NPAS3: variants seen among roughly 807,000 people sequenced by gnomAD.
The protein encoded by NPAS3 is neuronal PAS domain protein 3.
In NPAS3, 14 loss-of-function variants were observed where a neutral mutation model predicts 73.1. That is an observed-to-expected ratio of 0.19 (90% CI 0.13 to 0.30). The LOEUF (loss-of-function observed/expected upper bound fraction) is 0.30, where lower values mean the gene tolerates loss of function less well. Among genes scored for constraint, NPAS3 ranks in the 10% least tolerant of loss-of-function variants. The pLI is 1.00. For synonymous variants in NPAS3, 620 were observed against 541.5 expected, an observed-to-expected ratio of 1.14 and a Z score of -2.01; for missense variants, 1,096 against 1,250.0, an observed-to-expected ratio of 0.88 and a Z score of 1.86.
chr14:33,414,089 C>T (rs140425176), intron 4 of NPAS3, among the ~76,000 whole-genome samples: 99 of 152,178 alleles, frequency 6.5e-4, no homozygotes, highest in African/African-American at 2.3e-3. Context: ...AGGTTATGTG[C>T]ATATTGCAAT....
chr14:33,719,175 G>A (rs117687697), intron 6 of NPAS3, among the ~76,000 whole-genome samples: 2,510 of 152,150 alleles, frequency 0.016, 32 homozygotes, highest in Non-Finnish European at 0.024. Context: ...TCCCAATTCC[G>A]TGGCATATGT....
At chr14:33,561,655 A>T (rs1433143521) in intron 5 of NPAS3, among the ~76,000 whole-genome samples, 1 of 152,208 alleles carries the variant, frequency 6.6e-6, no homozygotes, top group Non-Finnish European at 1.5e-5. Flanking sequence ...TCGGTGAGCC[A>T]CCATGTCGCG....
upstream of NPAS3, chr14:32,939,148 A>ACGGCCC (rs2035848362): frequency 7.2e-6 from 1 of 138,940 alleles, no homozygotes; most frequent in African/African-American, 2.8e-5. Flanking sequence ...CGCCACGGCC[A>ACGGCCC]CGGCCACGGC....
chr14:33,118,992 C>T (rs1026974216), intron 2 of NPAS3, among the ~76,000 whole-genome samples: 1 of 151,816 alleles, frequency 6.6e-6, no homozygotes, highest in African/African-American at 2.4e-5. Context: ...ACCATAAATG[C>T]TACATGGCAA....
chr14:33,772,783 G>C (rs1249977301), intron 7 of NPAS3, among the ~76,000 whole-genome samples: 1 of 152,082 alleles, frequency 6.6e-6, no homozygotes, highest in African/African-American at 2.4e-5. Context: ...CTTGCCTCTA[G>C]GAACATCTTC....
At chr14:33,163,934 T>C (rs2045019690) in intron 2 of NPAS3, among the ~76,000 whole-genome samples, 1 of 152,212 alleles carries the variant, frequency 6.6e-6, no homozygotes, top group Admixed American at 6.5e-5. Context: ...AAAATTACCA[T>C]TGTACTTTAA....
At position 33,800,613 on chromosome 14, in the gene NPAS3, GGGGCGGCGGCGC is replaced by G. The variant is rs1479482198; in HGVS notation, c.2310_2321del (p.Ala773_Gly776del). 4.5e-6 allele frequency: 6 copies of G among 1,339,352 alleles called. No individual in the cohort carries two copies. The highest frequency in any genetic ancestry group is 5.7e-6 in the Non-Finnish European group (6 of 1,053,010). 83.0% of individuals were successfully genotyped at this position (1,339,352 alleles called of 1,614,324 possible). A position where few individuals can be genotyped will look rare whatever the true frequency, so the allele number is the denominator to read the frequency against. The stretch of plus-strand genomic sequence containing the variant: ...GGGAACGGCGGCGGGGGCGGGGGCG[GGGGCGGCGGCGC>G]GGGGGGCGGCGGCCCCAGCGCGTCC... On this transcript the variant is annotated inframe_deletion, in exon 12 of 12. Transcript: ENST00000356141. This position sits in a 1 kb window ranked among gnomAD's most constrained non-coding sequence, Gnocchi z 6.5.
intron 5 of NPAS3, among the ~76,000 whole-genome samples, chr14:33,617,676 T>C (rs1216816914): frequency 6.6e-6 from 1 of 152,230 alleles, no homozygotes; most frequent in Non-Finnish European, 1.5e-5. Flanking sequence ...TCTGAATGAA[T>C]GGGCAAAAGC....
chr14:33,399,868 C>G (rs1002952921), intron 4 of NPAS3, among the ~76,000 whole-genome samples: 22 of 152,030 alleles, frequency 1.4e-4, no homozygotes, highest in Non-Finnish European at 2.8e-4. Flanking sequence ...CAATACCAGA[C>G]TCAACTGTTA....
Position 33,599,292 on chromosome 14 carries a change from G to T in NPAS3, c.558+39082G>T, listed in dbSNP as rs528773160. Among the ~76,000 whole-genome samples, 5 of 152,294 alleles carry T rather than the reference G, an allele frequency of 3.3e-5. No individual in the cohort carries two copies. The South Asian group carries it at 8.3e-4, about 25-fold the overall frequency. On this transcript the variant is annotated intron_variant, in intron 5 of 11. Coordinates refer to ENST00000356141, the Ensembl canonical transcript of NPAS3. ...TTATAATCAGACAAGAAGAACAGAT[G>T]TAAGAGTTGTAATTTAATCATTTTA...
In NPAS3 at chr14:33,465,994, A is replaced by T. The variant is rs2050503661; in HGVS notation, c.469-94127A>T. ...GTAGTTGAGCATCGAGCTTCTCTGG[A>T]AGAATGGATGAAATCAAAACACATA... is the stretch of plus-strand genomic sequence containing the variant. On this transcript the variant is annotated intron_variant, in intron 4 of 11. Transcript: ENST00000356141. 2.0e-5 allele frequency among the ~76,000 whole-genome samples: 3 copies of T among 152,174 alleles called. No individual in the cohort carries two copies. In the South Asian group the frequency reaches 6.2e-4, roughly 32 times the overall value.
intron 3 of NPAS3, among the ~76,000 whole-genome samples, chr14:33,274,802 C>T (rs1427216521): frequency 6.6e-6 from 1 of 152,174 alleles, no homozygotes; most frequent in African/African-American, 2.4e-5. Flanking sequence ...AAGCTTCTTC[C>T]TTGGACCACA....
chr14:33,677,377 G>T (rs1267605766), intron 6 of NPAS3, among the ~76,000 whole-genome samples: 1 of 152,032 alleles, frequency 6.6e-6, no homozygotes, highest in East Asian at 1.9e-4. Context: ...ATGAATCAAG[G>T]CCTGATTTGA....
upstream of NPAS3, among the ~76,000 whole-genome samples, chr14:32,938,506 A>AATT (rs2035793721): frequency 8.6e-6 from 1 of 116,310 alleles, no homozygotes; most frequent in Non-Finnish European, 1.9e-5. Flanking sequence ...AGAGAGAGAG[A>AATT]GAGAGAGAGA....
intron 7 of NPAS3, among the ~76,000 whole-genome samples, chr14:33,761,730 G>A (rs1173704627): frequency 6.6e-6 from 1 of 152,150 alleles, no homozygotes; most frequent in African/African-American, 2.4e-5. Flanking sequence ...ACTTGAGGAA[G>A]GAAATTTTTT....
At chr14:33,690,313 G>C (rs992719464) in intron 6 of NPAS3, among the ~76,000 whole-genome samples, 5 of 130,102 alleles carry the variant, frequency 3.8e-5, no homozygotes, top group Admixed American at 8.4e-5. Flanking sequence ...CTGGTGGAAT[G>C]CATCAGTAAA....
At chr14:33,461,786 G>A (rs548684460) in intron 4 of NPAS3, among the ~76,000 whole-genome samples, 113 of 152,336 alleles carry the variant, frequency 7.4e-4, no homozygotes, top group African/African-American at 2.6e-3. Context: ...GCTTAGTGCA[G>A]GCTTAAACTA....
intron 1 of NPAS3, among the ~76,000 whole-genome samples, chr14:33,018,701 A>T (rs1014064835): frequency 2.0e-5 from 3 of 152,194 alleles, no homozygotes; most frequent in Non-Finnish European, 2.9e-5. Flanking sequence ...TTTCAGTGTT[A>T]TTGGGAAAAC....
rs776545729 is a variant in NPAS3 at position 33,676,205 on chromosome 14, C to T, written c.559-6C>T. ...TTTCCTTCCCACCCTTTCTCTCGCC[C>T]TCTAGGTGGAGCTGACAGGCAGCAG... On this transcript the variant is annotated splice_polypyrimidine_tract_variant and splice_region_variant and intron_variant, in intron 5 of 11. Transcript: ENST00000356141. 2.5e-6 allele frequency: 4 copies of T among 1,613,514 alleles called. No homozygotes were observed. Among genetic ancestry groups the T allele is most frequent in the Non-Finnish European group, 3.4e-6 (4 of 1,179,648 alleles).
Sources: gnomAD v4.1 joint callset for allele counts (sites outside exome capture counted in the v4.1 genomes callset) on GRCh38, gnomAD v4.1.1 for gene constraint, Gnocchi (gnomAD v3.1) non-coding constraint, MANE v1.5 for transcripts, NCBI Gene and HGNC (gene_info 2026-07-23, HGNC 2026-07-21) for gene names.